Variants in LCA5L observed in about 807,000 individuals in gnomAD.
LCA5L encodes the protein lebercilin LCA5 like.
In LCA5L, 35 loss-of-function variants were observed where a neutral mutation model predicts 45.4. That is an observed-to-expected ratio of 0.77 (90% confidence interval 0.59 to 1.02). LCA5L has a LOEUF of 1.02. Among genes scored for constraint, LCA5L ranks in the 50% least tolerant of loss-of-function variants. The pLI, the probability that LCA5L is intolerant of heterozygous loss-of-function variation, is 0.00. For missense variants in LCA5L, 668 were observed against 761.6 expected, an observed-to-expected ratio of 0.88 and a Z score of 1.45; for synonymous variants, 233 against 264.7, an observed-to-expected ratio of 0.88 and a Z score of 1.16.
chr21:39,416,510 G>C (rs1183488597), intron 7 of LCA5L, among the ~76,000 whole-genome samples: 1 of 152,116 alleles, frequency 6.6e-6, no homozygotes, highest in Non-Finnish European at 1.5e-5. Flanking sequence ...AGGGAGCCTT[G>C]GTTTGTTTCA....
intron 4 of LCA5L, 75 bp from the exon 5 acceptor site, chr21:39,428,578 TTA>T (rs1214443889): frequency 0.049 from 2,858 of 58,076 alleles, 455 homozygotes; most frequent in Non-Finnish European, 0.067. Context: ...ATGCTTTATT[TTA>T]TATATATATA....
intron 8 of LCA5L, among the ~76,000 whole-genome samples, chr21:39,411,335 G>A (rs563945699): frequency 2.6e-5 from 4 of 152,196 alleles, no homozygotes; most frequent in African/African-American, 4.8e-5. Flanking sequence ...ACTGAGCTGC[G>A]TGCACACTTA....
At chr21:39,412,249 C>G (rs372484164) in intron 7 of LCA5L, among the ~76,000 whole-genome samples, 12 of 152,272 alleles carry the variant, frequency 7.9e-5, no homozygotes, top group East Asian at 7.7e-4. Context: ...TTGGATGGCA[C>G]AGGTGAACAT....
rs759168031 is a variant in LCA5L at position 39,409,472 on chromosome 21, C to T, written c.1282+507G>A. Reference sequence around the variant, plus strand: ...CGGTGGTGGTTTCTGGTGGGCAGGGCGAGGGGATATGATTGTGAAGGGCCC... The same window carrying T: ...CGGTGGTGGTTTCTGGTGGGCAGGGTGAGGGGATATGATTGTGAAGGGCCC... On this transcript the variant is annotated intron_variant, in intron 10 of 10. Transcript: ENST00000288350. The surrounding 1 kb of genome is among the most constrained non-coding windows in gnomAD (Gnocchi z 4.2). Among the ~76,000 whole-genome samples, 6 of 151,978 alleles carry T rather than the reference C, an allele frequency of 3.9e-5. No homozygotes were observed. Among genetic ancestry groups the T allele is most frequent in the Admixed American group, 2.0e-4 (3 of 15,238 alleles).
Position 39,406,466 on chromosome 21 carries a change from G to A in LCA5L, c.1429C>T (p.His477Tyr). 7 of 1,613,852 alleles carry A rather than the reference G, an allele frequency of 4.3e-6. No homozygotes were observed. The highest frequency in any genetic ancestry group is 5.9e-6 in the Non-Finnish European group (7 of 1,179,916). ...TCTTGATTGCTTTCTCTTTCAGGAT[G>A]AATAACTTCAATTATTTTTGGTGGT... The part of the protein sequence containing the change: ...ELPPKIIEVI[H>Y]PERESNQEDV... The change falls in exon 11 of 11, where the codon CAT becomes TAT. Residue 477 changes from histidine (H) to tyrosine (Y), a missense_variant. Physicochemically the swap from His to Tyr is moderately conservative, Grantham distance 83 (BLOSUM62 2). Coordinates refer to ENST00000288350, the MANE Select transcript of LCA5L (RefSeq NM_152505.4).
intron 5 of LCA5L, among the ~76,000 whole-genome samples, chr21:39,426,520 A>G (rs2147858772): frequency 1.3e-5 from 2 of 152,354 alleles, no homozygotes; most frequent in African/African-American, 4.8e-5. Flanking sequence ...AGGTGAGTGC[A>G]TATATGGTAT....
intron 2 of LCA5L, among the ~76,000 whole-genome samples, chr21:39,441,115 C>A (rs528451736): frequency 2.0e-5 from 3 of 151,958 alleles, no homozygotes; most frequent in Non-Finnish European, 4.4e-5. Context: ...GTGGGCAGAT[C>A]ACTTGGGCCC....
chr21:39,417,612 AC>A (rs2041451300), intron 7 of LCA5L, among the ~76,000 whole-genome samples: 2 of 152,142 alleles, frequency 1.3e-5, no homozygotes, highest in Non-Finnish European at 2.9e-5. Context: ...TTTATAAGGG[AC>A]AGAGGTTTAA....
chr21:39,427,680 AT>A (rs1427373067), intron 5 of LCA5L: 5 of 151,636 alleles, frequency 3.3e-5, no homozygotes, highest in South Asian at 2.1e-4. Context: ...AAAAAAAAAA[AT>A]CTACAAAGAA....
chr21:39,441,187 G>C (rs894320876), intron 2 of LCA5L, among the ~76,000 whole-genome samples: 1 of 152,020 alleles, frequency 6.6e-6, no homozygotes, highest in African/African-American at 2.4e-5. Flanking sequence ...AAATTAGCCG[G>C]GTGTGACAGT....
intron 1 of LCA5L, chr21:39,444,652 G>T (rs1161724747): frequency 6.6e-6 from 1 of 152,232 alleles, no homozygotes; most frequent in East Asian, 1.9e-4. Context: ...ACCAGATGAT[G>T]GGGGCCTGGA....
chr21:39,411,536 C>T (rs1396207048), intron 8 of LCA5L, among the ~76,000 whole-genome samples, 182 bp downstream of exon 8: 1 of 152,146 alleles, frequency 6.6e-6, no homozygotes, highest in Non-Finnish European at 1.5e-5. Context: ...AACGGGAAAG[C>T]ATTTCTATTC....
chr21:39,421,631 A>G (rs2073785845), intron 6 of LCA5L: 1 of 152,196 alleles, frequency 6.6e-6, no homozygotes, highest in African/African-American at 2.4e-5. Context: ...CAGAAAGCTT[A>G]CCAAAAGGAC....
intron 2 of LCA5L, chr21:39,439,573 G>T (rs763079212): frequency 6.6e-6 from 1 of 152,346 alleles, no homozygotes; most frequent in East Asian, 1.9e-4. Context: ...TATCTTAATT[G>T]TTCCAGAAAC....
intron 3 of LCA5L, among the ~76,000 whole-genome samples, chr21:39,430,055 G>T (rs2075519261): frequency 6.6e-6 from 1 of 151,906 alleles, no homozygotes; most frequent in Non-Finnish European, 1.5e-5. Flanking sequence ...AAAACAAAAA[G>T]AAGAATCCCA....
chr21:39,406,393 C>G lies in LCA5L; in HGVS notation c.1502G>C (p.Gly501Ala), dbSNP rs201717530. The change falls in exon 11 of 11, where the codon GGT (glycine) becomes GCT (alanine). Residue 501 changes from glycine (G) to alanine (A), a missense_variant. By Grantham distance (60) the Gly-to-Ala change is moderately conservative. Coordinates refer to ENST00000288350, the MANE Select transcript of LCA5L (RefSeq NM_152505.4). ...GCCTTTGCCAAGTGTGTCATCCACA[C>G]CATTTCTCTGCATGCTTCTTTTAAA... ...EKFKRSMQRN[G>A]VDDTLGKGTA... 114 of 1,613,592 alleles carry G rather than the reference C, an allele frequency of 7.1e-5. No homozygotes were observed. In the Admixed American group the frequency reaches 1.5e-3, roughly 21 times the overall value.
intron 7 of LCA5L, 98 bp downstream of exon 7, chr21:39,420,608 G>T: frequency 1.1e-4 from 106 of 953,108 alleles, no homozygotes; most frequent in East Asian, 3.6e-4. Flanking sequence ...ATATATGTAT[G>T]TAAAATAAAA....
chr21:39,416,061 A>G (rs2041095747), intron 7 of LCA5L, among the ~76,000 whole-genome samples: 2 of 152,356 alleles, frequency 1.3e-5, no homozygotes, highest in East Asian at 3.9e-4. Flanking sequence ...AATAGTGACA[A>G]TTCTAATCCT....
At chr21:39,442,467 C>T (rs1239358497) in intron 2 of LCA5L, among the ~76,000 whole-genome samples, 2 of 152,112 alleles carry the variant, frequency 1.3e-5, no homozygotes, top group Non-Finnish European at 2.9e-5. Flanking sequence ...GTTACTCTGG[C>T]TGCAGGGTGA....
Sources: allele counts gnomAD v4.1 joint callset (sites outside exome capture counted in the v4.1 genomes callset), GRCh38; gene constraint gnomAD v4.1.1; non-coding constraint Gnocchi (gnomAD v3.1); transcripts MANE v1.5; gene names NCBI Gene and HGNC (gene_info 2026-07-23, HGNC 2026-07-21).